The following SNTG1 variants were observed in gnomAD, a reference collection of about 807,000 sequenced individuals.
SNTG1 encodes gamma-1-syntrophin.
In SNTG1, 39 loss-of-function variants were observed where a neutral mutation model predicts 74.7. The observed-to-expected ratio is 0.52, with a 90% CI of 0.40 to 0.68. The LOEUF (loss-of-function observed/expected upper bound fraction) is 0.68, where lower values mean the gene tolerates loss of function less well. Among genes scored for constraint, SNTG1 ranks in the 30% least tolerant of loss-of-function variants. The pLI, the probability that SNTG1 is intolerant of heterozygous loss-of-function variation, is 0.00. For missense variants in SNTG1, 685 were observed against 609.5 expected (o/e 1.12, Z -1.30); for synonymous variants, 254 against 217.1 (o/e 1.17, Z -1.49).
At chr8:50,214,954 T>A (rs2084707277) in intron 2 of SNTG1, among the ~76,000 whole-genome samples, 1 of 152,154 alleles carries the variant, frequency 6.6e-6, no homozygotes, top group African/African-American at 2.4e-5. Flanking sequence ...TCATTTGACT[T>A]CATTTAGTGG....
At chr8:50,395,230 A>G (rs2092711871) in intron 3 of SNTG1, among the ~76,000 whole-genome samples, 1 of 152,196 alleles carries the variant, frequency 6.6e-6, no homozygotes, top group Admixed American at 6.5e-5. Flanking sequence ...GGTTTTTCAG[A>G]AAACTAATAA....
In SNTG1 at chr8:49,912,883, G is replaced by T. The variant is rs536371442; in HGVS notation, c.-103+652G>T. Among the ~76,000 whole-genome samples, 3 of 152,286 alleles carry T rather than the reference G, an allele frequency of 2.0e-5. No individual in the cohort carries two copies. In the South Asian group the frequency reaches 6.2e-4, roughly 32 times the overall value. ...GAAGCTTTAGTGTGCCTCTTTAGGAGAGCTGGATTTCAAAATCATTCTAAC... is the reference window on the plus strand; with the variant it reads ...GAAGCTTTAGTGTGCCTCTTTAGGATAGCTGGATTTCAAAATCATTCTAAC... On this transcript the variant is annotated intron_variant, in intron 1 of 18. Transcript: ENST00000642720.
intron 3 of SNTG1, among the ~76,000 whole-genome samples, chr8:50,396,235 C>T (rs2092727178): frequency 6.6e-6 from 1 of 152,154 alleles, no homozygotes; most frequent in Admixed American, 6.5e-5. Context: ...AATTAAATCA[C>T]TCATGTGAGA....
chr8:50,738,771 T>A (rs1018436320), intron 17 of SNTG1, among the ~76,000 whole-genome samples: 17 of 146,844 alleles, frequency 1.2e-4, no homozygotes, highest in African/African-American at 3.7e-4. Context: ...TATGACCATC[T>A]GATCTTCCAC....
chr8:50,114,297 T>G (rs1280865303), intron 1 of SNTG1, among the ~76,000 whole-genome samples: 1 of 152,140 alleles, frequency 6.6e-6, no homozygotes, highest in Non-Finnish European at 1.5e-5. Flanking sequence ...TAATAAGCAG[T>G]AAAAGAATGT....
intron 5 of SNTG1, among the ~76,000 whole-genome samples, chr8:50,441,618 G>A (rs568778716): frequency 9.9e-5 from 15 of 152,060 alleles, no homozygotes; most frequent in South Asian, 2.1e-4. Flanking sequence ...AAGTAAGTCC[G>A]AATCCTTTTT....
intron 2 of SNTG1, among the ~76,000 whole-genome samples, chr8:50,256,277 A>G (rs997409200): frequency 7.2e-5 from 11 of 152,202 alleles, no homozygotes; most frequent in Non-Finnish European, 1.3e-4. Context: ...CATAGCAGGT[A>G]CTATATATTG....
chr8:50,670,941 G>A (rs1464610225), intron 15 of SNTG1, among the ~76,000 whole-genome samples: 4 of 151,424 alleles, frequency 2.6e-5, no homozygotes, highest in Non-Finnish European at 4.4e-5. Flanking sequence ...AAGCAATGGG[G>A]AAAGGATTCC....
chr8:50,739,398 A>C (rs964569381), intron 17 of SNTG1, among the ~76,000 whole-genome samples: 1 of 152,160 alleles, frequency 6.6e-6, no homozygotes, highest in African/African-American at 2.4e-5. Context: ...GTGATCATTA[A>C]AAAGTCTGGA....
intron 5 of SNTG1, among the ~76,000 whole-genome samples, chr8:50,440,233 G>A (rs1031635176): frequency 6.6e-6 from 1 of 151,764 alleles, no homozygotes; most frequent in African/African-American, 2.4e-5. Context: ...AAATTCTTAT[G>A]ACACACTCTG....
At chr8:50,460,673 G>T (rs907570751) in intron 8 of SNTG1, among the ~76,000 whole-genome samples, 1 of 152,110 alleles carries the variant, frequency 6.6e-6, no homozygotes, top group Non-Finnish European at 1.5e-5. Flanking sequence ...ATAGTGAAAG[G>T]TAGGGGTCCA....
chr8:50,325,613 G>T (rs1363905990), intron 2 of SNTG1, among the ~76,000 whole-genome samples: 1 of 151,976 alleles, frequency 6.6e-6, no homozygotes, highest in African/African-American at 2.4e-5. Flanking sequence ...GAGTTATTTT[G>T]TCAATTATAG....
intron 9 of SNTG1, among the ~76,000 whole-genome samples, chr8:50,524,250 C>G (rs2094202769): frequency 6.6e-6 from 1 of 152,034 alleles, no homozygotes; most frequent in Non-Finnish European, 1.5e-5. Flanking sequence ...CATCCCCTCC[C>G]CACCTTCTAT....
chr8:50,280,796 T>C (rs1337938985), intron 2 of SNTG1, among the ~76,000 whole-genome samples: 4 of 151,922 alleles, frequency 2.6e-5, no homozygotes, highest in Non-Finnish European at 5.9e-5. Context: ...AGATAACAGA[T>C]GGCAAATTTT....
At chr8:50,694,637 T>G (rs924545772) in intron 15 of SNTG1, among the ~76,000 whole-genome samples, 1 of 151,924 alleles carries the variant, frequency 6.6e-6, no homozygotes, top group Non-Finnish European at 1.5e-5. Context: ...GAAAAGAAAA[T>G]TATAGGCCAA....
chr8:50,783,880 T>A (rs1399632554), intron 18 of SNTG1, among the ~76,000 whole-genome samples: 1 of 152,260 alleles, frequency 6.6e-6, no homozygotes, highest in Non-Finnish European at 1.5e-5. Context: ...GTTCTTGGTA[T>A]GATGAGTGAT....
chr8:50,634,300 G>C (rs149026927), intron 13 of SNTG1, among the ~76,000 whole-genome samples: 1 of 152,180 alleles, frequency 6.6e-6, no homozygotes, highest in Non-Finnish European at 1.5e-5. Flanking sequence ...TTTTCTGTGG[G>C]GCGGCTAACT....
intron 5 of SNTG1, among the ~76,000 whole-genome samples, chr8:50,448,337 C>T (rs1200051067): frequency 6.6e-6 from 1 of 152,098 alleles, no homozygotes; most frequent in East Asian, 1.9e-4. Flanking sequence ...AATATTCCTG[C>T]TTTTCTAAAA....
At chr8:50,515,387 G>GTTTTTT (rs34086906) in intron 9 of SNTG1, among the ~76,000 whole-genome samples, 3 of 80,384 alleles carry the variant, frequency 3.7e-5, no homozygotes, top group Non-Finnish European at 4.7e-5. Flanking sequence ...AGCTGCAGGA[G>GTTTTTT]TTTTTTTTTT....
Sources: allele counts gnomAD v4.1 joint callset (sites outside exome capture counted in the v4.1 genomes callset), GRCh38; gene constraint gnomAD v4.1.1; transcripts MANE v1.5; gene names NCBI Gene and HGNC (gene_info 2026-07-23, HGNC 2026-07-21).